The following CUBN variants were observed in gnomAD, a reference collection of about 807,000 sequenced individuals.
The protein encoded by CUBN is 460 kDa receptor.
In CUBN, 282 loss-of-function variants were observed where a neutral mutation model predicts 405.3. The ratio of observed to expected loss-of-function variants is 0.70; its 90% CI spans 0.63 to 0.77. The LOEUF is 0.77. Among genes scored for constraint, CUBN ranks in the 30% least tolerant of loss-of-function variants. CUBN has a pLI of 0.00. For missense variants in CUBN, 4,514 were observed against 4,475.2 expected (o/e 1.01, Z -0.25); for synonymous variants, 1,684 against 1,617.0 (o/e 1.04, Z -0.99).
At chr10:17,030,794 C>T (rs1308107234) in intron 27 of CUBN, among the ~76,000 whole-genome samples, 1 of 151,994 alleles carries the variant, frequency 6.6e-6, no homozygotes, top group Non-Finnish European at 1.5e-5. Context: ...TGGTGGGTGC[C>T]TGTGGCCCCA....
At chr10:16,909,037 C>T (rs554777864) in intron 48 of CUBN, among the ~76,000 whole-genome samples, 1 of 151,514 alleles carries the variant, frequency 6.6e-6, no homozygotes, top group Non-Finnish European at 1.5e-5. Context: ...TGCCCGCCAC[C>T]GCGCCCGGCT....
At chr10:17,089,694 G>C (rs951189697) in intron 14 of CUBN, among the ~76,000 whole-genome samples, 5 of 152,120 alleles carry the variant, frequency 3.3e-5, no homozygotes, top group Non-Finnish European at 7.4e-5. Context: ...GCAATACCTA[G>C]CAAAAACCTA....
chr10:17,117,974 T>A (rs1173770963), intron 6 of CUBN, among the ~76,000 whole-genome samples: 2 of 152,218 alleles, frequency 1.3e-5, no homozygotes, highest in Non-Finnish European at 2.9e-5. Context: ...CTAAGAAGAT[T>A]GTCTTTATTT....
At chr10:16,968,574 C>T (rs1165022225) in intron 31 of CUBN, among the ~76,000 whole-genome samples, 1 of 152,178 alleles carries the variant, frequency 6.6e-6, no homozygotes, top group Non-Finnish European at 1.5e-5. Flanking sequence ...ATGCTGGAAG[C>T]AGAGGTCAGG....
chr10:17,001,580 C>A (rs1370412058), intron 28 of CUBN, among the ~76,000 whole-genome samples: 2 of 152,230 alleles, frequency 1.3e-5, no homozygotes, highest in African/African-American at 4.8e-5. Context: ...CAGCTGGCTT[C>A]ACTTCTCAAG....
In CUBN at chr10:16,933,102, G is replaced by A. The variant is rs769235236; in HGVS notation, c.6109C>T (p.Leu2037Phe). ...ATGTTCTCACCATCTCGTATCACAA[G>A]GCTATCATAGGCACACGTTCGGTGA... ...ESHRTCAYDS[L>F]VIRDGDNNLA... The change falls in exon 40 of 67, where the codon CTT (leucine) becomes TTT (phenylalanine). Residue 2037 changes from leucine (L) to phenylalanine (F), a missense_variant. Leu to Phe is a conservative substitution (Grantham distance 22). Coordinates refer to ENST00000377833, the MANE Select transcript of CUBN (RefSeq NM_001081.4). The A allele has an allele frequency of 6.8e-6, 11 of 1,614,020 alleles. No individual in the cohort carries two copies. The highest frequency in any genetic ancestry group is 8.5e-6 in the Non-Finnish European group (10 of 1,179,978).
chr10:16,844,270 C>A (rs780828), intron 60 of CUBN, among the ~76,000 whole-genome samples: 129,811 of 143,376 alleles, frequency 0.91, 59,452 homozygotes, highest in East Asian at 1. Context: ...ACTCTGTCCC[C>A]AAAAAAAAAA....
intron 66 of CUBN, among the ~76,000 whole-genome samples, chr10:16,828,401 C>G (rs1389868654): frequency 6.6e-6 from 1 of 152,178 alleles, no homozygotes; most frequent in African/African-American, 2.4e-5. Flanking sequence ...GTGCTTCTTC[C>G]TCTGCAGTGT....
chr10:16,891,722 C>G (rs573234396), intron 54 of CUBN, among the ~76,000 whole-genome samples: 3 of 143,360 alleles, frequency 2.1e-5, no homozygotes, highest in Admixed American at 7.0e-5. Flanking sequence ...GGGAAAAAAA[C>G]CCCAAAAACA....
intron 59 of CUBN, among the ~76,000 whole-genome samples, chr10:16,862,023 C>T (rs756597248): frequency 3.9e-5 from 6 of 152,032 alleles, no homozygotes; most frequent in East Asian, 1.9e-4. Flanking sequence ...GTTGCATGCG[C>T]GGGTAATCCC....
chr10:16,937,071 CA>C (rs1842530221), intron 39 of CUBN, among the ~76,000 whole-genome samples: 1 of 152,112 alleles, frequency 6.6e-6, no homozygotes, highest in African/African-American at 2.4e-5. Flanking sequence ...AGCTCAATAT[CA>C]CTTTCACTGA....
Position 17,127,765 on chromosome 10 carries a change from G to A in CUBN, c.348+64C>T, listed in dbSNP as rs554164297. On this transcript the variant is annotated intron_variant, in intron 3 of 66. Coordinates refer to ENST00000377833, the MANE Select transcript of CUBN (RefSeq NM_001081.4). ...AAAGTTGGTATATCCCCTACAAAAC[G>A]GTTACTTATACAATAGAACTAGGGA... The A allele has an allele frequency of 4.4e-5, 52 of 1,190,174 alleles. No individual in the cohort carries two copies. In the African/African-American group the frequency reaches 4.9e-4, roughly 11 times the overall value. 73.7% of individuals were successfully genotyped at this position (1,190,174 alleles called of 1,614,324 possible).
intron 14 of CUBN, among the ~76,000 whole-genome samples, chr10:17,093,133 C>G (rs1355930407): frequency 6.6e-6 from 1 of 152,124 alleles, no homozygotes; most frequent in Non-Finnish European, 1.5e-5. Context: ...CGATTTAGGG[C>G]TACCAAAGCA....
intron 31 of CUBN, among the ~76,000 whole-genome samples, chr10:16,968,716 G>C (rs1177183862): frequency 6.6e-6 from 1 of 152,216 alleles, no homozygotes; most frequent in Non-Finnish European, 1.5e-5. Flanking sequence ...TAGAAGAAAG[G>C]CTCTAATTAA....
In CUBN at chr10:17,109,655, A is replaced by T; in HGVS notation, c.1096T>A (p.Cys366Ser). 2 of 1,613,706 alleles carry T rather than the reference A, an allele frequency of 1.2e-6. No individual in the cohort carries two copies. Among genetic ancestry groups the T allele is most frequent in the Non-Finnish European group, 1.7e-6 (2 of 1,179,680 alleles). ...GAGTCATTACCTAGAGTTGAGGAGC[A>T]TGAGGCATCTGGGTGGCAGCCTCCA... ...SNGGCHPDAS[C>S]SSTLGSLPLC... Residue 366 changes from cysteine to serine, a missense_variant, in exon 10 of 67, where the codon TGC becomes AGC. Transcript: ENST00000377833.
intron 30 of CUBN, 142 bp downstream of exon 30, chr10:16,983,963 T>C: frequency 1.2e-6 from 1 of 845,770 alleles, no homozygotes; most frequent in South Asian, 1.4e-5. Flanking sequence ...TAGGGAAGGG[T>C]ATATGTCAGG....
intron 36 of CUBN, among the ~76,000 whole-genome samples, chr10:16,944,118 T>A (rs114243550): frequency 1.9e-3 from 282 of 152,280 alleles, no homozygotes; most frequent in African/African-American, 6.5e-3. Flanking sequence ...ACTCTGCAAG[T>A]ATAAAATACA....
chr10:17,098,573 A>G (rs540244348), intron 14 of CUBN, among the ~76,000 whole-genome samples: 2 of 152,202 alleles, frequency 1.3e-5, no homozygotes, highest in African/African-American at 4.8e-5. Flanking sequence ...GGTCCTAGCC[A>G]GGGCAATAAG....
chr10:16,967,575 T>C (rs1843426726), intron 31 of CUBN, among the ~76,000 whole-genome samples: 1 of 151,808 alleles, frequency 6.6e-6, no homozygotes, highest in Non-Finnish European at 1.5e-5. Context: ...TTAATACAAA[T>C]GCAAGTCACA....
Sources: allele counts gnomAD v4.1 joint callset (sites outside exome capture counted in the v4.1 genomes callset), GRCh38; gene constraint gnomAD v4.1.1; transcripts MANE v1.5; gene names NCBI Gene and HGNC (gene_info 2026-07-23, HGNC 2026-07-21).